The following SLC7A14 variants were observed in gnomAD, a reference collection of about 807,000 sequenced individuals.
SLC7A14 encodes the protein solute carrier family 7 member 14.
SLC7A14 carries 37 observed loss-of-function variants against 60.2 expected under a neutral mutation model. That is an observed-to-expected ratio of 0.61 (90% confidence interval 0.47 to 0.81). The LOEUF is 0.81. Ranked by LOEUF, SLC7A14 falls within the 30% of genes least tolerant of loss-of-function variation. The pLI is 0.00. For synonymous variants in SLC7A14, 399 were observed against 395.8 expected (o/e 1.01, Z -0.10); for missense variants, 886 against 982.7 (o/e 0.90, Z 1.32).
chr3:170,496,127 C>A, intron 4 of SLC7A14: 1 of 996,904 alleles, frequency 1.0e-6, no homozygotes. Flanking sequence ...AAGAGGAGAT[C>A]CAGGAGCTGC....
At chr3:170,576,744 A>G (rs1156649232) in intron 1 of SLC7A14, among the ~76,000 whole-genome samples, 2 of 152,122 alleles carry the variant, frequency 1.3e-5, no homozygotes, top group African/African-American at 2.4e-5. Flanking sequence ...TGGACAGGAC[A>G]TTTTTTATTC....
intron 7 of SLC7A14, among the ~76,000 whole-genome samples, chr3:170,472,348 G>GACA (rs1288036565): frequency 6.9e-6 from 1 of 145,420 alleles, no homozygotes; most frequent in Admixed American, 6.9e-5. Context: ...CAGCCTGGGC[G>GACA]ACAGAGTGAG....
chr3:170,503,929 G>C (rs1445780775), intron 2 of SLC7A14, among the ~76,000 whole-genome samples: 1 of 152,206 alleles, frequency 6.6e-6, no homozygotes, highest in Non-Finnish European at 1.5e-5. Context: ...TGGAATCTTA[G>C]TCATTTCCCA....
chr3:170,489,616 G>A (rs577497492), intron 4 of SLC7A14, among the ~76,000 whole-genome samples: 13 of 152,322 alleles, frequency 8.5e-5, no homozygotes, highest in South Asian at 6.2e-4. Flanking sequence ...GGGAATCAGC[G>A]TATTGAAGAG....
intron 2 of SLC7A14, among the ~76,000 whole-genome samples, chr3:170,515,314 C>G (rs995300222): frequency 1.0e-5 from 1 of 98,246 alleles, no homozygotes; most frequent in Admixed American, 9.8e-5. Flanking sequence ...CTCTGTCCGC[C>G]CCCCCCAAAA....
chr3:170,541,041 C>T (rs1714003046), intron 1 of SLC7A14, among the ~76,000 whole-genome samples: 1 of 152,122 alleles, frequency 6.6e-6, no homozygotes, highest in Admixed American at 6.5e-5. Flanking sequence ...GTACTCTTTG[C>T]TAGTGGGATG....
In SLC7A14 at chr3:170,585,326, C is replaced by A. The variant is rs543270123; in HGVS notation, c.-153+585G>T. Among the ~76,000 whole-genome samples, 452 of 152,272 alleles carry A rather than the reference C, an allele frequency of 3.0e-3. 3 individuals are homozygous for A. The highest frequency in any genetic ancestry group is 0.01 in the African/African-American group (434 of 41,566). ...CTCCGGGGACAGACGCCCCTCGGGG[C>A]GCCACCATCCTGGTCGGGGTGCTGG... is the stretch of plus-strand genomic sequence containing the variant. On this transcript the variant is annotated intron_variant, in intron 1 of 7. Coordinates refer to ENST00000231706, the MANE Select transcript of SLC7A14 (RefSeq NM_020949.3). This position sits in a 1 kb window ranked among gnomAD's most constrained non-coding sequence, Gnocchi z 5.1.
intron 5 of SLC7A14, among the ~76,000 whole-genome samples, chr3:170,485,048 G>C (rs1222914969): frequency 6.6e-6 from 1 of 152,130 alleles, no homozygotes; most frequent in Non-Finnish European, 1.5e-5. Flanking sequence ...AATGAAGGAG[G>C]AGTAGAAGGG....
intron 1 of SLC7A14, among the ~76,000 whole-genome samples, chr3:170,568,240 T>C (rs1714848344): frequency 6.6e-6 from 1 of 152,202 alleles, no homozygotes; most frequent in African/African-American, 2.4e-5. Context: ...TAGCCAGTTT[T>C]CCCAGTACCA....
rs79963016 is a variant in SLC7A14 at position 170,476,281 on chromosome 3, C to G, written c.1993+4008G>C. ...TTGAGAATCTTTGTTCTGGGTGAAA[C>G]TTAGTCATATAGCAGCCTTCAAAAA... On this transcript the variant is annotated intron_variant, in intron 7 of 7. Transcript: ENST00000231706. Among the ~76,000 whole-genome samples, 121 of 152,278 alleles carry G rather than the reference C, an allele frequency of 7.9e-4. 2 individuals carry two copies. In the East Asian group the frequency reaches 0.017, roughly 22 times the overall value.
intron 4 of SLC7A14, among the ~76,000 whole-genome samples, chr3:170,490,861 A>T (rs1462785940): frequency 6.6e-6 from 1 of 152,230 alleles, no homozygotes; most frequent in Non-Finnish European, 1.5e-5. Flanking sequence ...AAAATGAGAT[A>T]ATAGAGTAAA....
At chr3:170,545,813 T>G (rs1194050585) in intron 1 of SLC7A14, among the ~76,000 whole-genome samples, 1 of 152,242 alleles carries the variant, frequency 6.6e-6, no homozygotes, top group Non-Finnish European at 1.5e-5. Flanking sequence ...ATTTATGGCT[T>G]GGGAGACTGT....
chr3:170,496,359 A>G (rs1712393972), intron 4 of SLC7A14: 7 of 1,391,612 alleles, frequency 5.0e-6, no homozygotes, highest in Non-Finnish European at 7.1e-6. Flanking sequence ...GATCTCCGAG[A>G]TGAACCGGAA....
chr3:170,494,058 A>C (rs1277809026), intron 4 of SLC7A14, among the ~76,000 whole-genome samples: 3 of 152,214 alleles, frequency 2.0e-5, no homozygotes, highest in Non-Finnish European at 4.4e-5. Context: ...CAGAAGTGCA[A>C]AAAAAGATAA....
chr3:170,525,941 C>T (rs1218192203), intron 2 of SLC7A14, among the ~76,000 whole-genome samples: 4 of 151,992 alleles, frequency 2.6e-5, no homozygotes, highest in East Asian at 1.9e-4. Flanking sequence ...CGTTGTGGTA[C>T]GCACCTTTAA....
At chr3:170,582,640 G>T (rs1013514602) in intron 1 of SLC7A14, among the ~76,000 whole-genome samples, 2 of 152,120 alleles carry the variant, frequency 1.3e-5, no homozygotes, top group Admixed American at 6.5e-5. Context: ...TCTAGAGAAG[G>T]TTTGAAGCAG....
Position 170,529,085 on chromosome 3 carries a change from C to G in SLC7A14, c.-152-1997G>C, listed in dbSNP as rs949308952. Among the ~76,000 whole-genome samples the G allele has an allele frequency of 5.9e-5, 9 of 152,140 alleles. 1 individual carries two copies. The East Asian group carries it at 1.7e-3, about 29-fold the overall frequency. On this transcript the variant is annotated intron_variant, in intron 1 of 7. Transcript: ENST00000231706. Reference sequence around the variant, plus strand: ...TTTTGTTTTTCCCTGAAAAGCTTGGCCTTTATTATTTCTCTTTTTACACAA... The same window carrying G: ...TTTTGTTTTTCCCTGAAAAGCTTGGGCTTTATTATTTCTCTTTTTACACAA...
rs1211327416 is a variant in SLC7A14 at position 170,480,514 on chromosome 3, T to G, written c.1768A>C (p.Ile590Leu). The G allele has an allele frequency of 6.2e-7, 1 of 1,614,138 alleles. No individual in the cohort carries two copies. Among genetic ancestry groups the G allele is most frequent in the East Asian group, 2.2e-5 (1 of 44,876 alleles). ...CSFIIFGSDY[I>L]SEQSWWAILL... ...ATGGCCCACCAGCTCTGCTCTGAGA[T>G]GTAGTCAGAACCAAAGATGATGAAG... The change falls in exon 7 of 8, where the codon ATC (isoleucine) becomes CTC (leucine). Residue 590 changes from isoleucine to leucine, a missense_variant. Transcript: ENST00000231706.
Position 170,466,858 on chromosome 3 carries a change from T to C in SLC7A14, c.*197A>G. 1.9e-6 allele frequency: 1 copy of C among 537,330 alleles called. No homozygotes were observed. Among genetic ancestry groups the C allele is most frequent in the South Asian group, 3.0e-5 (1 of 33,282 alleles). The allele number at this position is 537,330 out of a possible 1,614,324, so 33.3% of individuals were successfully genotyped here. Reference sequence around the variant, plus strand: ...TTATTTTATTTAACAAGGCGACCAGTTAGGGGACCCAGGTTAAGCCCTTCA... The same window carrying C: ...TTATTTTATTTAACAAGGCGACCAGCTAGGGGACCCAGGTTAAGCCCTTCA... On this transcript the variant is annotated 3_prime_UTR_variant, in exon 8 of 8. Coordinates refer to ENST00000231706, the MANE Select transcript of SLC7A14 (RefSeq NM_020949.3).
Sources: gnomAD v4.1 joint callset for allele counts (sites outside exome capture counted in the v4.1 genomes callset) on GRCh38, gnomAD v4.1.1 for gene constraint, Gnocchi (gnomAD v3.1) non-coding constraint, MANE v1.5 for transcripts, NCBI Gene and HGNC (gene_info 2026-07-23, HGNC 2026-07-21) for gene names.